SGK3: variants seen among roughly 807,000 people sequenced by gnomAD.
SGK3 encodes the protein serine/threonine-protein kinase Sgk3.
In SGK3, 47 loss-of-function variants were observed where a neutral mutation model predicts 68.5. That is an observed-to-expected ratio of 0.69 (90% CI 0.54 to 0.87). SGK3 has a LOEUF of 0.87. Ranked by LOEUF, SGK3 falls within the 40% of genes least tolerant of loss-of-function variation. The pLI is 0.00. For missense variants in SGK3, 479 were observed against 575.5 expected, an observed-to-expected ratio of 0.83 and a Z score of 1.72; for synonymous variants, 181 against 189.1, an observed-to-expected ratio of 0.96 and a Z score of 0.35.
intron 16 of SGK3, among the ~76,000 whole-genome samples, chr8:66,855,707 A>G (rs1810482511): frequency 6.6e-6 from 1 of 152,252 alleles, no homozygotes; most frequent in South Asian, 2.1e-4. Context: ...GAAGTTACAG[A>G]AAAAGAAATA....
chr8:66,733,400 CCT>C (rs1289443145), intron 1 of SGK3, among the ~76,000 whole-genome samples: 3 of 152,108 alleles, frequency 2.0e-5, no homozygotes, highest in African/African-American at 7.2e-5. Flanking sequence ...GGCAGTCACC[CCT>C]GTTAGCAACA....
chr8:66,768,461 C>T (rs1021300662), intron 1 of SGK3, among the ~76,000 whole-genome samples: 1 of 151,098 alleles, frequency 6.6e-6, no homozygotes, highest in Admixed American at 6.6e-5. Context: ...TATAGCTTTA[C>T]ATATCTTTGA....
intron 1 of SGK3, among the ~76,000 whole-genome samples, chr8:66,783,913 A>G (rs942898851): frequency 2.0e-5 from 3 of 151,920 alleles, no homozygotes; most frequent in Non-Finnish European, 4.4e-5. Context: ...TTTTTGAGAC[A>G]CAGTCTTGCT....
At chr8:66,843,306 A>G in intron 13 of SGK3, 146 bp from the exon 14 acceptor site, 1 of 669,832 alleles carries the variant, frequency 1.5e-6, no homozygotes. Flanking sequence ...CTGGTGTAGA[A>G]TGAGAATATC....
chr8:66,803,510 T>A (rs1317536883), intron 3 of SGK3, among the ~76,000 whole-genome samples: 1 of 131,992 alleles, frequency 7.6e-6, no homozygotes, highest in Non-Finnish European at 1.5e-5. Context: ...AGATACAGTT[T>A]TTACATGTGT....
At chr8:66,735,362 C>A (rs926616552) in intron 1 of SGK3, among the ~76,000 whole-genome samples, 1 of 152,204 alleles carries the variant, frequency 6.6e-6, no homozygotes, top group African/African-American at 2.4e-5. Context: ...AAGAATCTAT[C>A]AGGCGTATAG....
chr8:66,794,724 G>T (rs181196610), intron 2 of SGK3, among the ~76,000 whole-genome samples: 1 of 152,296 alleles, frequency 6.6e-6, no homozygotes, highest in Admixed American at 6.5e-5. Context: ...GAGGAGAGGT[G>T]TCCCCTTTCA....
chr8:66,826,384 A>G (rs1299857614), intron 6 of SGK3, among the ~76,000 whole-genome samples: 4 of 152,208 alleles, frequency 2.6e-5, no homozygotes, highest in African/African-American at 9.7e-5. Context: ...TTACATTGTA[A>G]GAGTCTAAGG....
At position 66,738,631 on chromosome 8, in the gene SGK3, T is replaced by C. The variant is rs565795741; in HGVS notation, c.-122+25798T>C. ...GGCAGAACTGGCTCAAGATCCACTTTCTTTTTTTTTTTTTGAGACGGAGTC... is the reference window on the plus strand; with the variant it reads ...GGCAGAACTGGCTCAAGATCCACTTCCTTTTTTTTTTTTTGAGACGGAGTC... On this transcript the variant is annotated intron_variant, in intron 1 of 16. Coordinates refer to ENST00000521198, the MANE Select transcript of SGK3 (RefSeq NM_001033578.3). Among the ~76,000 whole-genome samples, 4 of 146,734 alleles carry C rather than the reference T, an allele frequency of 2.7e-5. No individual in the cohort carries two copies. The South Asian group carries it at 8.4e-4, about 31-fold the overall frequency.
At chr8:66,843,639 AG>A (rs1187943726) in intron 14 of SGK3, 92 bp downstream of exon 14, 1 of 1,269,572 alleles carries the variant, frequency 7.9e-7, no homozygotes, top group Non-Finnish European at 1.1e-6. Context: ...ATGGACACTT[AG>A]ATAACACTAA....
chr8:66,849,591 A>AT (rs1393102191), intron 15 of SGK3, among the ~76,000 whole-genome samples: 35 of 145,100 alleles, frequency 2.4e-4, no homozygotes, highest in African/African-American at 7.6e-4. Flanking sequence ...TTTTGGGGGA[A>AT]TATTTTTTTT....
At chr8:66,836,411 T>C (rs1809534864) in intron 10 of SGK3, among the ~76,000 whole-genome samples, 1 of 152,158 alleles carries the variant, frequency 6.6e-6, no homozygotes, top group Non-Finnish European at 1.5e-5. Context: ...TGCATACAAA[T>C]ATTACTCCAG....
chr8:66,825,375 C>T (rs558099374), intron 6 of SGK3, among the ~76,000 whole-genome samples: 1 of 145,634 alleles, frequency 6.9e-6, no homozygotes, highest in African/African-American at 2.6e-5. Context: ...GTCGCCCAGG[C>T]TGGAGTGCAG....
chr8:66,786,133 T>C (rs1014727169), intron 1 of SGK3, among the ~76,000 whole-genome samples: 1 of 152,254 alleles, frequency 6.6e-6, no homozygotes, highest in African/African-American at 2.4e-5. Context: ...TTCAGTTTTA[T>C]AGAATAAATA....
At chr8:66,817,198 C>T (rs974480495) in intron 5 of SGK3, among the ~76,000 whole-genome samples, 3 of 151,864 alleles carry the variant, frequency 2.0e-5, no homozygotes, top group African/African-American at 7.2e-5. Flanking sequence ...TTTGGGAGGC[C>T]GAGGCAGGCG....
intron 13 of SGK3, among the ~76,000 whole-genome samples, chr8:66,843,197 C>T (rs926662676): frequency 1.2e-4 from 18 of 152,174 alleles, no homozygotes; most frequent in African/African-American, 4.1e-4. Context: ...ATTCTACCTT[C>T]GCGATACTCT....
chr8:66,784,894 T>A (rs1807137465), intron 1 of SGK3, among the ~76,000 whole-genome samples: 1 of 152,190 alleles, frequency 6.6e-6, no homozygotes, highest in Non-Finnish European at 1.5e-5. Context: ...CCCACCTTTT[T>A]AAAAAAACTG....
chr8:66,724,572 T>C (rs1804924044), intron 1 of SGK3, among the ~76,000 whole-genome samples: 1 of 152,038 alleles, frequency 6.6e-6, no homozygotes, highest in African/African-American at 2.4e-5. Flanking sequence ...CAATACTCTG[T>C]CTCAAGAAAA....
chr8:66,809,112 C>G (rs1396934588), intron 4 of SGK3, among the ~76,000 whole-genome samples: 2 of 152,168 alleles, frequency 1.3e-5, no homozygotes, highest in Non-Finnish European at 2.9e-5. Context: ...AGGTGATCCA[C>G]TGGCCTCAGC....
Sources: gnomAD v4.1 joint callset for allele counts (sites outside exome capture counted in the v4.1 genomes callset) on GRCh38, gnomAD v4.1.1 for gene constraint, MANE v1.5 for transcripts, NCBI Gene and HGNC (gene_info 2026-07-23, HGNC 2026-07-21) for gene names.